CSMD1: variants seen among roughly 807,000 people sequenced by gnomAD.
The protein encoded by CSMD1 is CUB and Sushi multiple domains 1, also known as CUB and sushi domain-containing protein 1.
CSMD1 carries 213 observed loss-of-function variants against 417.5 expected under a neutral mutation model. The observed-to-expected ratio is 0.51, with a 90% confidence interval of 0.46 to 0.57. CSMD1 has a LOEUF of 0.57. Among genes scored for constraint, CSMD1 ranks in the 20% least tolerant of loss-of-function variants. The pLI is 0.00. For missense variants in CSMD1, 6,923 were observed against 4,529.7 expected (o/e 1.53, Z -15.17); for synonymous variants, 2,862 against 1,736.8 (o/e 1.65, Z -16.11).
chr8:2,973,945 GAT>G (rs1804691346), intron 56 of CSMD1, among the ~76,000 whole-genome samples: 1 of 143,144 alleles, frequency 7.0e-6, no homozygotes, highest in African/African-American at 2.9e-5. Flanking sequence ...GGTAGAGGAT[GAT>G]GGTAGAGGAT....
At chr8:3,645,312 G>A (rs1797521888) in intron 7 of CSMD1, among the ~76,000 whole-genome samples, 1 of 152,166 alleles carries the variant, frequency 6.6e-6, no homozygotes, top group African/African-American at 2.4e-5. Context: ...TGTTCTCCCA[G>A]CAGCTGCAAT....
chr8:4,210,447 A>G (rs1407711204), intron 3 of CSMD1, among the ~76,000 whole-genome samples: 1 of 152,254 alleles, frequency 6.6e-6, no homozygotes, highest in Non-Finnish European at 1.5e-5. Context: ...TAAACAAAAA[A>G]GATCAAGTTT....
intron 26 of CSMD1, among the ~76,000 whole-genome samples, chr8:3,242,951 C>A (rs150143703): frequency 6.6e-6 from 1 of 152,192 alleles, no homozygotes; most frequent in Non-Finnish European, 1.5e-5. Context: ...GGTGAACAAT[C>A]AGAGAGATGT....
intron 1 of CSMD1, among the ~76,000 whole-genome samples, chr8:4,879,504 G>A (rs762321830): frequency 6.6e-6 from 1 of 152,096 alleles, no homozygotes; most frequent in African/African-American, 2.4e-5. Context: ...AACATCTGCT[G>A]TTTATAAGGG....
chr8:3,842,060 A>G (rs1320430866), intron 5 of CSMD1, among the ~76,000 whole-genome samples: 1 of 152,234 alleles, frequency 6.6e-6, no homozygotes, highest in Non-Finnish European at 1.5e-5. Context: ...TAATTCTGAT[A>G]GTTAATAAAA....
chr8:4,068,229 G>A (rs1279905151), intron 3 of CSMD1, among the ~76,000 whole-genome samples: 2 of 152,170 alleles, frequency 1.3e-5, no homozygotes, highest in African/African-American at 4.8e-5. Flanking sequence ...AAAAGCAGAA[G>A]AAAATGAGGA....
chr8:4,075,893 T>A (rs927735026), intron 3 of CSMD1, among the ~76,000 whole-genome samples: 1 of 152,174 alleles, frequency 6.6e-6, no homozygotes, highest in Non-Finnish European at 1.5e-5. Flanking sequence ...AAATTATAAT[T>A]GGAATCTTTC....
chr8:3,738,955 C>T (rs925042221), intron 6 of CSMD1, among the ~76,000 whole-genome samples: 1 of 152,090 alleles, frequency 6.6e-6, no homozygotes, highest in African/African-American at 2.4e-5. Flanking sequence ...TTTGTATGCA[C>T]AAAAAGGTGT....
chr8:3,949,641 G>C lies in CSMD1; in HGVS notation c.818+48262C>G, dbSNP rs149271496. ...GTTTGGGAGATGATTTTAGGTACAA[G>C]ATTGAAGGGGCAACGAGGATGAGAG... On this transcript the variant is annotated intron_variant, in intron 5 of 69. Coordinates refer to ENST00000635120, the MANE Select transcript of CSMD1 (RefSeq NM_033225.6). Among the ~76,000 whole-genome samples, 359 of 152,134 alleles carry C rather than the reference G, an allele frequency of 2.4e-3. 3 individuals are homozygous for C. The highest frequency in any genetic ancestry group is 8.0e-3 in the African/African-American group (334 of 41,514).
At chr8:4,505,747 A>G (rs890726415) in intron 2 of CSMD1, among the ~76,000 whole-genome samples, 3 of 151,918 alleles carry the variant, frequency 2.0e-5, no homozygotes, top group Admixed American at 6.6e-5. Flanking sequence ...CTAAGCTACA[A>G]CTCAGTGGCT....
chr8:3,202,441 G>A (rs1273210138), intron 31 of CSMD1, among the ~76,000 whole-genome samples: 1 of 152,172 alleles, frequency 6.6e-6, no homozygotes, highest in Non-Finnish European at 1.5e-5. Context: ...TATGAAAGGT[G>A]TGTGAACACA....
At chr8:3,507,779 GTTT>G (rs909835310) in intron 10 of CSMD1, among the ~76,000 whole-genome samples, 1 of 151,958 alleles carries the variant, frequency 6.6e-6, no homozygotes, top group Non-Finnish European at 1.5e-5. Flanking sequence ...TTTTTCATGT[GTTT>G]TTTTGGCTGC....
intron 5 of CSMD1, among the ~76,000 whole-genome samples, chr8:3,905,949 C>A (rs926696145): frequency 3.3e-5 from 5 of 152,176 alleles, no homozygotes; most frequent in African/African-American, 1.2e-4. Context: ...TGCCCCTCAA[C>A]CATACCTTTT....
At chr8:3,157,077 C>G (rs546073589) in intron 39 of CSMD1, among the ~76,000 whole-genome samples, 2 of 151,772 alleles carry the variant, frequency 1.3e-5, no homozygotes, top group African/African-American at 4.8e-5. Flanking sequence ...TTGGAGAAGC[C>G]GATCACTTTG....
chr8:4,059,349 C>T (rs1441416590), intron 3 of CSMD1, among the ~76,000 whole-genome samples: 2 of 152,124 alleles, frequency 1.3e-5, no homozygotes, highest in Non-Finnish European at 2.9e-5. Context: ...AGGAAAGATC[C>T]AAAATGGACA....
chr8:3,066,460 C>G (rs1366938440), intron 49 of CSMD1, among the ~76,000 whole-genome samples: 1 of 152,156 alleles, frequency 6.6e-6, no homozygotes, highest in African/African-American at 2.4e-5. Context: ...CTGCAGCCAA[C>G]AAGAATTCAT....
chr8:3,741,287 G>A (rs1796792009), intron 6 of CSMD1, among the ~76,000 whole-genome samples: 1 of 148,490 alleles, frequency 6.7e-6, no homozygotes, highest in African/African-American at 2.5e-5. Context: ...ATGCGGTAGA[G>A]TTTAGTAGGT....
chr8:3,309,294 A>C (rs936365967), intron 23 of CSMD1, among the ~76,000 whole-genome samples: 2 of 151,988 alleles, frequency 1.3e-5, no homozygotes, highest in African/African-American at 4.8e-5. Flanking sequence ...AACTTCTTCC[A>C]AACTCCAAGA....
At chr8:3,580,047 C>G (rs13267941) in intron 9 of CSMD1, among the ~76,000 whole-genome samples, 57,205 of 151,748 alleles carry the variant, frequency 0.38, 11,399 homozygotes, top group Middle Eastern at 0.46. Flanking sequence ...GAAGTTGCAG[C>G]GAGCCAAGAT....
Sources: gnomAD v4.1 joint callset for allele counts (sites outside exome capture counted in the v4.1 genomes callset) on GRCh38, gnomAD v4.1.1 for gene constraint, MANE v1.5 for transcripts, NCBI Gene and HGNC (gene_info 2026-07-23, HGNC 2026-07-21) for gene names.